STPG2: variants seen among roughly 807,000 people sequenced by gnomAD.
The protein encoded by STPG2 is sperm tail PG-rich repeat containing 2.
STPG2 carries 56 observed loss-of-function variants against 54.2 expected under a neutral mutation model. The ratio of observed to expected loss-of-function variants is 1.03; its 90% CI spans 0.83 to 1.29. The LOEUF (loss-of-function observed/expected upper bound fraction) is 1.29, where lower values mean the gene tolerates loss of function less well. STPG2 is among the 50% of genes most tolerant of loss of function. The pLI is 0.00. For missense variants in STPG2, 596 were observed against 544.9 expected (o/e 1.09, Z -0.93); for synonymous variants, 200 against 181.8 (o/e 1.10, Z -0.81).
chr4:97,821,180 T>C (rs1728079702), intron 9 of STPG2, among the ~76,000 whole-genome samples: 1 of 152,142 alleles, frequency 6.6e-6, no homozygotes, highest in South Asian at 2.1e-4. Context: ...AACATGCCTG[T>C]TCCAAAAGAG....
chr4:98,039,836 T>C (rs1035102442), intron 5 of STPG2, among the ~76,000 whole-genome samples: 1 of 151,780 alleles, frequency 6.6e-6, no homozygotes, highest in Non-Finnish European at 1.5e-5. Context: ...TGGGTAGATA[T>C]CTAGTAGTGG....
At chr4:97,678,910 A>C (rs571376922) in intron 10 of STPG2, among the ~76,000 whole-genome samples, 126 of 152,112 alleles carry the variant, frequency 8.3e-4, no homozygotes, top group Non-Finnish European at 9.1e-4. Flanking sequence ...TTTACTGAGA[A>C]TGATGATTTC....
At chr4:97,869,427 T>C (rs989743483) in intron 8 of STPG2, among the ~76,000 whole-genome samples, 1 of 151,590 alleles carries the variant, frequency 6.6e-6, no homozygotes, top group Non-Finnish European at 1.5e-5. Context: ...AAGGTAAATA[T>C]TTTGGTGCAT....
chr4:97,933,396 T>C (rs902546402), intron 8 of STPG2, among the ~76,000 whole-genome samples: 5 of 152,224 alleles, frequency 3.3e-5, no homozygotes, highest in African/African-American at 1.2e-4. Context: ...TTTTTTCTTT[T>C]GTTGAAATTG....
At chr4:97,453,162 T>A (rs1729420543) in intron 4 of STPG2, among the ~76,000 whole-genome samples, 1 of 152,200 alleles carries the variant, frequency 6.6e-6, no homozygotes, top group Non-Finnish European at 1.5e-5. Flanking sequence ...GGTCCTGCAG[T>A]GCCTGGCATC....
intron 4 of STPG2, among the ~76,000 whole-genome samples, chr4:97,463,957 T>C (rs545175379): frequency 4.5e-4 from 69 of 152,328 alleles, no homozygotes; most frequent in Non-Finnish European, 5.6e-4. Context: ...CTCCTTTCTA[T>C]TGCTGTATAG....
intron 10 of STPG2, among the ~76,000 whole-genome samples, chr4:97,563,135 A>G (rs1410880707): frequency 1.3e-5 from 2 of 152,194 alleles, no homozygotes; most frequent in African/African-American, 4.8e-5. Context: ...TTATTGGTCT[A>G]TTCAGAGAGG....
At chr4:97,592,597 A>G (rs1207614297) in intron 10 of STPG2, among the ~76,000 whole-genome samples, 1 of 152,130 alleles carries the variant, frequency 6.6e-6, no homozygotes, top group Non-Finnish European at 1.5e-5. Flanking sequence ...CCTGAACATC[A>G]GGAAGACTGG....
At chr4:97,540,225 T>A (rs1383036970) in intron 4 of STPG2, among the ~76,000 whole-genome samples, 1 of 152,022 alleles carries the variant, frequency 6.6e-6, no homozygotes, top group Non-Finnish European at 1.5e-5. Context: ...GATAGATTGC[T>A]AGCAAGACTA....
intron 5 of STPG2, among the ~76,000 whole-genome samples, chr4:98,006,544 A>G (rs1735580796): frequency 6.6e-6 from 1 of 152,198 alleles, no homozygotes; most frequent in South Asian, 2.1e-4. Flanking sequence ...TGCCACTGGC[A>G]TTAGAGTCTC....
intron 5 of STPG2, among the ~76,000 whole-genome samples, chr4:98,076,784 T>C (rs1477438447): frequency 6.6e-6 from 1 of 152,138 alleles, no homozygotes; most frequent in Non-Finnish European, 1.5e-5. Context: ...AACTTCACTA[T>C]ATGTTTAAAG....
At chr4:97,601,081 T>C (rs1487236520) in intron 10 of STPG2, among the ~76,000 whole-genome samples, 5 of 152,012 alleles carry the variant, frequency 3.3e-5, no homozygotes, top group Admixed American at 1.3e-4. Context: ...GAAGACAAAA[T>C]TGACCTTAAG....
At chr4:98,126,844 A>T (rs531648080) in intron 3 of STPG2, among the ~76,000 whole-genome samples, 4 of 152,256 alleles carry the variant, frequency 2.6e-5, no homozygotes, top group African/African-American at 9.6e-5. Flanking sequence ...AACAAATGTG[A>T]TAAAATGTTA....
intron 9 of STPG2, among the ~76,000 whole-genome samples, chr4:97,808,974 T>C (rs964814079): frequency 1.5e-4 from 23 of 151,954 alleles, no homozygotes; most frequent in African/African-American, 5.3e-4. Context: ...TACTAGGAAA[T>C]AGGCAAGTGG....
At chr4:97,951,301 T>G (rs983956625) in intron 7 of STPG2, among the ~76,000 whole-genome samples, 2 of 152,164 alleles carry the variant, frequency 1.3e-5, no homozygotes, top group African/African-American at 2.4e-5. Flanking sequence ...GCAGTTCCCC[T>G]GTCTTGATAA....
intron 7 of STPG2, among the ~76,000 whole-genome samples, chr4:97,962,203 A>G (rs1733913500): frequency 6.6e-6 from 1 of 152,152 alleles, no homozygotes; most frequent in African/African-American, 2.4e-5. Flanking sequence ...TTGAAGACTC[A>G]GGGGGAATGG....
chr4:97,457,278 T>A (rs1372451274), intron 4 of STPG2, among the ~76,000 whole-genome samples: 1 of 152,232 alleles, frequency 6.6e-6, no homozygotes, highest in African/African-American at 2.4e-5. Flanking sequence ...AATGAACACT[T>A]ATGTCTATTC....
chr4:97,842,671 C>T (rs1728837314), intron 8 of STPG2, among the ~76,000 whole-genome samples: 2 of 151,854 alleles, frequency 1.3e-5, no homozygotes, highest in Admixed American at 6.6e-5. Flanking sequence ...GAAGCAAAGA[C>T]AAGAAACTGC....
At chr4:97,577,357 A>G (rs1732748940) in intron 10 of STPG2, among the ~76,000 whole-genome samples, 1 of 152,188 alleles carries the variant, frequency 6.6e-6, no homozygotes, top group Admixed American at 6.6e-5. Context: ...CCATACGTGG[A>G]GGACTGGACA....
Sources: gnomAD v4.1 joint callset for allele counts (sites outside exome capture counted in the v4.1 genomes callset) on GRCh38, gnomAD v4.1.1 for gene constraint, MANE v1.5 for transcripts, NCBI Gene and HGNC (gene_info 2026-07-23, HGNC 2026-07-21) for gene names.